Variants in KCNIP4 observed in about 807,000 individuals in gnomAD.
KCNIP4 encodes the protein Kv channel-interacting protein 4.
A neutral mutation model predicts 34.0 loss-of-function variants in KCNIP4; 12 were observed. The ratio of observed to expected loss-of-function variants is 0.35; its 90% CI spans 0.23 to 0.57. KCNIP4 has a LOEUF of 0.57. Ranked by LOEUF, KCNIP4 falls within the 20% of genes least tolerant of loss-of-function variation. The probability of loss-of-function intolerance (pLI) is 0.83; values close to 1 mark genes in which losing one functional copy is unlikely to be tolerated. For missense variants in KCNIP4, 238 were observed against 311.7 expected (o/e 0.76, Z 1.78); for synonymous variants, 124 against 102.2 (o/e 1.21, Z -1.29).
intron 1 of KCNIP4, among the ~76,000 whole-genome samples, chr4:20,942,493 A>T (rs145707529): frequency 6.6e-6 from 1 of 152,186 alleles, no homozygotes; most frequent in Non-Finnish European, 1.5e-5. Flanking sequence ...AATAAGCACC[A>T]GGTGGTTTGT....
rs1240623226 is a variant in KCNIP4, at chr4:20,729,449, T to TATGCTGATATCTGATA, written c.*617_*632dup. On this transcript the variant is annotated 3_prime_UTR_variant, in exon 9 of 9. Coordinates refer to ENST00000382152, the MANE Select transcript of KCNIP4 (RefSeq NM_025221.6). ...TTATTAAAATAAGTTTTATTAGGCA[T>TATGCTGATATCTGATA]ATGCTGATATCTGATAATAAACTAA... 6.6e-6 allele frequency: 1 copy of TATGCTGATATCTGATA among 151,866 alleles called. No homozygotes were observed. Among genetic ancestry groups the TATGCTGATATCTGATA allele is most frequent in the Non-Finnish European group, 1.5e-5 (1 of 67,990 alleles). The allele number at this position is 151,866 out of a possible 1,614,324, so 9.4% of individuals were successfully genotyped here.
chr4:20,876,757 A>G (rs570702686), intron 2 of KCNIP4, among the ~76,000 whole-genome samples: 56 of 152,096 alleles, frequency 3.7e-4, no homozygotes, highest in Non-Finnish European at 7.1e-4. Flanking sequence ...TATTTTTAGT[A>G]GAGACAGGGT....
chr4:21,246,239 G>A (rs942192401), intron 1 of KCNIP4, among the ~76,000 whole-genome samples: 53 of 152,232 alleles, frequency 3.5e-4, no homozygotes, highest in African/African-American at 1.3e-3. Flanking sequence ...AGAAATATGT[G>A]GCCCTGGCTT....
chr4:21,288,823 G>A (rs1763271985), intron 1 of KCNIP4, among the ~76,000 whole-genome samples: 3 of 152,236 alleles, frequency 2.0e-5, no homozygotes, highest in Admixed American at 6.5e-5. Context: ...GAGAACATGT[G>A]GTATTTGCTT....
chr4:21,118,983 G>A (rs907429141), intron 1 of KCNIP4, among the ~76,000 whole-genome samples: 5 of 152,088 alleles, frequency 3.3e-5, no homozygotes, highest in African/African-American at 1.2e-4. Flanking sequence ...GAAAAATCAC[G>A]CCATCCATTG....
At chr4:21,672,130 C>T (rs1247055596) in intron 1 of KCNIP4, among the ~76,000 whole-genome samples, 13 of 151,966 alleles carry the variant, frequency 8.6e-5, no homozygotes, top group Admixed American at 7.9e-4. Context: ...CGGGGCCTGT[C>T]GGGAGGTGGA....
intron 1 of KCNIP4, among the ~76,000 whole-genome samples, chr4:21,700,035 G>T (rs1422459361): frequency 2.0e-5 from 3 of 152,222 alleles, no homozygotes; most frequent in African/African-American, 4.8e-5. Context: ...GGAAAGAAAA[G>T]AATTAAGAAT....
chr4:21,562,086 CTT>C (rs1222414807), intron 1 of KCNIP4, among the ~76,000 whole-genome samples: 1 of 151,894 alleles, frequency 6.6e-6, no homozygotes, highest in African/African-American at 2.4e-5. Context: ...GTAGCAAAAT[CTT>C]TCTCTTCCTT....
chr4:21,520,885 C>A (rs1211642881), intron 1 of KCNIP4, among the ~76,000 whole-genome samples: 3 of 152,086 alleles, frequency 2.0e-5, no homozygotes, highest in African/African-American at 7.2e-5. Context: ...AAAATGTATG[C>A]TCTTAAGGCA....
intron 1 of KCNIP4, among the ~76,000 whole-genome samples, chr4:21,880,954 T>C (rs1236743379): frequency 2.0e-5 from 3 of 152,224 alleles, no homozygotes; most frequent in Non-Finnish European, 4.4e-5. Flanking sequence ...CTCTTATTAA[T>C]TGATAGTTTT....
At chr4:20,816,643 T>G (rs1716422259) in intron 3 of KCNIP4, among the ~76,000 whole-genome samples, 1 of 152,232 alleles carries the variant, frequency 6.6e-6, no homozygotes, top group South Asian at 2.1e-4. Context: ...TTCTCTTTTC[T>G]TAAGGACTTA....
intron 1 of KCNIP4, among the ~76,000 whole-genome samples, chr4:21,324,629 C>T (rs1395459007): frequency 6.6e-6 from 1 of 151,498 alleles, no homozygotes. Flanking sequence ...TATGCCAGTG[C>T]CTTACTGTTT....
chr4:21,876,849 AG>A (rs1726144809), intron 1 of KCNIP4, among the ~76,000 whole-genome samples: 1 of 152,104 alleles, frequency 6.6e-6, no homozygotes, highest in African/African-American at 2.4e-5. Context: ...TGTCAACGGG[AG>A]ACTTGAGTCT....
At chr4:21,875,349 G>T (rs1481273171) in intron 1 of KCNIP4, among the ~76,000 whole-genome samples, 1 of 152,106 alleles carries the variant, frequency 6.6e-6, no homozygotes, top group Non-Finnish European at 1.5e-5. Flanking sequence ...ATAGAGACAG[G>T]ATTTGATTAA....
intron 1 of KCNIP4, among the ~76,000 whole-genome samples, chr4:21,777,693 T>C (rs1577974925): frequency 6.6e-6 from 1 of 152,218 alleles, no homozygotes; most frequent in South Asian, 2.1e-4. Flanking sequence ...ATGACTGATA[T>C]AATTTATAGG....
At chr4:21,135,829 T>C (rs141666434) in intron 1 of KCNIP4, among the ~76,000 whole-genome samples, 139 of 152,280 alleles carry the variant, frequency 9.1e-4, no homozygotes, top group South Asian at 1.7e-3. Flanking sequence ...TGAATATCCT[T>C]GAGCTCCACG....
chr4:21,566,161 G>A (rs1404790626), intron 1 of KCNIP4, among the ~76,000 whole-genome samples: 2 of 152,150 alleles, frequency 1.3e-5, no homozygotes. Context: ...AGACAGGGCG[G>A]AGCCGAAAGT....
intron 1 of KCNIP4, among the ~76,000 whole-genome samples, chr4:21,130,876 C>A (rs1197912790): frequency 6.6e-6 from 1 of 152,132 alleles, no homozygotes; most frequent in Non-Finnish European, 1.5e-5. Flanking sequence ...TCCAATATAT[C>A]CATCATAATT....
intron 1 of KCNIP4, among the ~76,000 whole-genome samples, chr4:21,127,303 C>T (rs1750701929): frequency 1.3e-5 from 2 of 152,178 alleles, no homozygotes; most frequent in Admixed American, 1.3e-4. Flanking sequence ...CCCCTTCTCT[C>T]ACCATACTTA....
Sources: gnomAD v4.1 joint callset for allele counts (sites outside exome capture counted in the v4.1 genomes callset) on GRCh38, gnomAD v4.1.1 for gene constraint, MANE v1.5 for transcripts, NCBI Gene and HGNC (gene_info 2026-07-23, HGNC 2026-07-21) for gene names.